The following NRG1 variants were observed in gnomAD, a reference collection of about 807,000 sequenced individuals.
NRG1 encodes pro-neuregulin-1, membrane-bound isoform.
NRG1 carries 18 observed loss-of-function variants against 63.8 expected under a neutral mutation model. That is an observed-to-expected ratio of 0.28 (90% CI 0.19 to 0.42). The LOEUF (loss-of-function observed/expected upper bound fraction) is 0.42, where lower values mean the gene tolerates loss of function less well. Ranked by LOEUF, NRG1 falls within the 10% of genes least tolerant of loss-of-function variation. The pLI, the probability that NRG1 is intolerant of heterozygous loss-of-function variation, is 1.00. For synonymous variants in NRG1, 302 were observed against 301.3 expected (o/e 1.00, Z -0.02); for missense variants, 762 against 814.7 (o/e 0.94, Z 0.79).
chr8:32,164,774 T>C (rs937591318), intron 1 of NRG1, among the ~76,000 whole-genome samples: 32 of 152,222 alleles, frequency 2.1e-4, no homozygotes, highest in Admixed American at 1.6e-3. Flanking sequence ...TCAACCAGCA[T>C]TGATCCAATT....
chr8:32,005,185 G>A (rs577304559), intron 1 of NRG1, among the ~76,000 whole-genome samples: 2 of 151,820 alleles, frequency 1.3e-5, no homozygotes, highest in Non-Finnish European at 2.9e-5. Flanking sequence ...AACAGGCGAG[G>A]AATGATGAGA....
At chr8:32,661,256 A>C (rs1802779797) in intron 5 of NRG1, among the ~76,000 whole-genome samples, 1 of 152,254 alleles carries the variant, frequency 6.6e-6, no homozygotes, top group South Asian at 2.1e-4. Context: ...ATTCACAAGG[A>C]GAAAAGTAAC....
intron 1 of NRG1, among the ~76,000 whole-genome samples, chr8:31,692,306 T>C (rs73588314): frequency 0.15 from 22,346 of 152,226 alleles, 2,054 homozygotes; most frequent in Non-Finnish European, 0.19. Context: ...TTTGCTTTCA[T>C]ATATTTAATA....
At chr8:32,571,386 T>G (rs937958098) in intron 1 of NRG1, among the ~76,000 whole-genome samples, 5 of 152,160 alleles carry the variant, frequency 3.3e-5, no homozygotes, top group Non-Finnish European at 7.3e-5. Context: ...TTATCAAAGG[T>G]CTGGGCCTAT....
intron 1 of NRG1, among the ~76,000 whole-genome samples, chr8:32,005,669 A>G (rs936273880): frequency 2.0e-5 from 3 of 152,000 alleles, no homozygotes; most frequent in Non-Finnish European, 2.9e-5. Context: ...ACTGACAGTA[A>G]AAGTTTACTA....
intron 1 of NRG1, among the ~76,000 whole-genome samples, chr8:32,098,972 T>C (rs1034836329): frequency 1.3e-5 from 2 of 152,156 alleles, no homozygotes; most frequent in Admixed American, 1.3e-4. Flanking sequence ...ACAATTGTTG[T>C]CACTGGTAGC....
intron 1 of NRG1, among the ~76,000 whole-genome samples, chr8:32,239,322 A>G (rs1249456871): frequency 1.4e-5 from 2 of 144,840 alleles, no homozygotes; most frequent in African/African-American, 5.5e-5. Flanking sequence ...TCCAAAGGCA[A>G]AAAAAAAAAG....
chr8:32,560,210 CT>C (rs147928361), intron 1 of NRG1, among the ~76,000 whole-genome samples: 30,085 of 147,186 alleles, frequency 0.2, 3,772 homozygotes, highest in Admixed American at 0.34. Context: ...ATTCTTTTTG[CT>C]TTTTTTTTTG....
intron 1 of NRG1, among the ~76,000 whole-genome samples, chr8:32,119,456 C>A (rs75053238): frequency 0.034 from 5,152 of 152,166 alleles, 195 homozygotes; most frequent in African/African-American, 0.084. Context: ...ACTTTAAAGG[C>A]AATCCATCTT....
intron 1 of NRG1, among the ~76,000 whole-genome samples, chr8:32,299,915 C>T (rs1428240634): frequency 6.6e-6 from 1 of 152,076 alleles, no homozygotes; most frequent in Non-Finnish European, 1.5e-5. Flanking sequence ...GGGGAAACAG[C>T]CAAACCATAT....
At chr8:32,048,442 C>CATATATAT (rs746098368) in intron 1 of NRG1, among the ~76,000 whole-genome samples, 12 of 134,856 alleles carry the variant, frequency 8.9e-5, no homozygotes, top group African/African-American at 2.9e-4. Flanking sequence ...CACATATATA[C>CATATATAT]ATACATATAT....
At chr8:32,717,067 T>A (rs1045270734) in intron 5 of NRG1, among the ~76,000 whole-genome samples, 2 of 152,086 alleles carry the variant, frequency 1.3e-5, no homozygotes, top group South Asian at 2.1e-4. Context: ...AGGGAAGGCT[T>A]CTTTAGGCAT....
chr8:32,314,156 T>A (rs2129476140), intron 1 of NRG1, among the ~76,000 whole-genome samples: 1 of 151,458 alleles, frequency 6.6e-6, no homozygotes, highest in Admixed American at 6.6e-5. Flanking sequence ...TAGTCTTTGC[T>A]TTATTCTGGG....
At chr8:32,409,037 G>A (rs1261715967) in intron 1 of NRG1, among the ~76,000 whole-genome samples, 1 of 152,082 alleles carries the variant, frequency 6.6e-6, no homozygotes, top group African/African-American at 2.4e-5. Context: ...ATAGCCTTCA[G>A]GTCCATCCAT....
rs769620465 is a variant in NRG1, at chr8:32,756,384, C to T, written c.795-19C>T. ...GAAAATAATCAAAAAAAAATAAATG[C>T]TCCCTTTCTTATGTCCAGGAAACAG... On this transcript the variant is annotated intron_variant, in intron 8 of 11. Transcript: ENST00000356819. 4 of 1,598,054 alleles carry T rather than the reference C, an allele frequency of 2.5e-6. No individual in the cohort carries two copies. Among genetic ancestry groups the T allele is most frequent in the Admixed American group, 3.6e-5 (2 of 55,532 alleles).
chr8:32,410,382 T>C (rs1213525032), intron 1 of NRG1, among the ~76,000 whole-genome samples: 2 of 151,748 alleles, frequency 1.3e-5, no homozygotes, highest in Non-Finnish European at 2.9e-5. Flanking sequence ...GGTCTCAGCA[T>C]GTTCCCCAGG....
intron 1 of NRG1, among the ~76,000 whole-genome samples, chr8:31,933,753 A>G (rs1238950161): frequency 1.3e-5 from 2 of 152,304 alleles, no homozygotes; most frequent in East Asian, 3.9e-4. Flanking sequence ...AATTGATACA[A>G]CTGGTCTAAA....
At chr8:32,762,341 A>G (rs1426331754) in intron 11 of NRG1, among the ~76,000 whole-genome samples, 1 of 152,206 alleles carries the variant, frequency 6.6e-6, no homozygotes, top group Non-Finnish European at 1.5e-5. Context: ...TTATCCTTAA[A>G]TGTTGACATT....
chr8:32,044,731 T>A (rs1291244755), intron 1 of NRG1, among the ~76,000 whole-genome samples: 3 of 111,558 alleles, frequency 2.7e-5, no homozygotes, highest in South Asian at 2.4e-4. Context: ...AGAAGAAGTG[T>A]CAAAAAAAAA....
Sources: gnomAD v4.1 joint callset for allele counts (sites outside exome capture counted in the v4.1 genomes callset) on GRCh38, gnomAD v4.1.1 for gene constraint, MANE v1.5 for transcripts, NCBI Gene and HGNC (gene_info 2026-07-23, HGNC 2026-07-21) for gene names.